Variants in LARP4 observed in about 807,000 individuals in gnomAD.
LARP4 encodes La ribonucleoprotein 4.
Under a neutral mutation model 92.9 loss-of-function variants are expected in LARP4, and 29 were observed. That is an observed-to-expected ratio of 0.31 (90% CI 0.23 to 0.43). The LOEUF (loss-of-function observed/expected upper bound fraction) is 0.43, where lower values mean the gene tolerates loss of function less well. Among genes scored for constraint, LARP4 ranks in the 20% least tolerant of loss-of-function variants. The pLI, the probability that LARP4 is intolerant of heterozygous loss-of-function variation, is 1.00. For missense variants in LARP4, 732 were observed against 860.0 expected, an observed-to-expected ratio of 0.85 and a Z score of 1.86; for synonymous variants, 279 against 284.1, an observed-to-expected ratio of 0.98 and a Z score of 0.18.
chr12:50,444,548 A>G (rs887763620), intron 8 of LARP4, among the ~76,000 whole-genome samples: 2 of 152,210 alleles, frequency 1.3e-5, no homozygotes, highest in African/African-American at 2.4e-5. Context: ...AAGGAATGCT[A>G]TACTCCAATC....
Position 50,435,637 on chromosome 12 carries a change from A to G in LARP4, c.535+13A>G, listed in dbSNP as rs199548789. 1.9e-4 allele frequency: 300 copies of G among 1,545,896 alleles called. 2 individuals are homozygous for G. In the African/African-American group the frequency reaches 3.8e-3, roughly 20 times the overall value. ...GAAGTGTTAAGATGTATGTAAAAATACCTTTTAGCTTTTTTTTTAATTTTT... is the reference window on the plus strand; with the variant it reads ...GAAGTGTTAAGATGTATGTAAAAATGCCTTTTAGCTTTTTTTTTAATTTTT... On this transcript the variant is annotated intron_variant, in intron 5 of 15. Transcript: ENST00000398473.
Position 50,475,628 on chromosome 12 carries a change from T to C in LARP4, c.1939T>C (p.Ser647Pro), listed in dbSNP as rs765205260. The C allele has an allele frequency of 5.0e-6, 8 of 1,614,046 alleles. No individual in the cohort carries two copies. In the East Asian group the frequency reaches 1.6e-4, roughly 31 times the overall value. ...PLRELRSNVV[S>P]PTKNEDNGAP... is the part of the protein sequence containing the mutation. ...ACGGGAACTTCGCTCCAATGTGGTG[T>C]CTCCCACCAAAAATGAAGACAATGG... Residue 647 changes from serine to proline, a missense_variant, in exon 16 of 16, where the codon TCT becomes CCT. Physicochemically the swap from Ser to Pro is moderately conservative, Grantham distance 74. Coordinates refer to ENST00000398473, the MANE Select transcript of LARP4 (RefSeq NM_052879.5).
chr12:50,402,655 A>G (rs1944081854), intron 1 of LARP4: 2 of 363,658 alleles, frequency 5.5e-6, no homozygotes, highest in Admixed American at 3.7e-5. Context: ...CTCTAAAGCG[A>G]TACTTAATAT....
chr12:50,478,220 A>G lies in LARP4; in HGVS notation c.*2356A>G, dbSNP rs1011925092. 5 of 152,232 alleles carry G rather than the reference A, an allele frequency of 3.3e-5. No homozygotes were observed. The highest frequency in any genetic ancestry group is 3.4e-3 in the Middle Eastern group (1 of 294). The allele number at this position is 152,232 out of a possible 1,614,324, so 9.4% of individuals were successfully genotyped here. On this transcript the variant is annotated 3_prime_UTR_variant, in exon 16 of 16. Coordinates refer to ENST00000398473, the MANE Select transcript of LARP4 (RefSeq NM_052879.5). ...AGTAGAAATTTAATTTGTAGATATA[A>G]CCTTTAAAAATTTTCTCATTAAGAC... is the stretch of plus-strand genomic sequence containing the variant.
intron 8 of LARP4, among the ~76,000 whole-genome samples, chr12:50,450,559 CA>C (rs1317565792): frequency 4.6e-5 from 7 of 152,034 alleles, no homozygotes; most frequent in Non-Finnish European, 7.4e-5. Context: ...TCCTTTTTCC[CA>C]TATGAAAATC....
intron 12 of LARP4, among the ~76,000 whole-genome samples, chr12:50,465,064 G>A (rs1221280276): frequency 1.3e-5 from 2 of 151,618 alleles, no homozygotes; most frequent in Non-Finnish European, 2.9e-5. Flanking sequence ...TTTGGAATAA[G>A]AGATTAGGCC....
intron 1 of LARP4, among the ~76,000 whole-genome samples, chr12:50,409,102 A>T (rs896594753): frequency 6.6e-6 from 1 of 152,158 alleles, no homozygotes; most frequent in African/African-American, 2.4e-5. Context: ...AAGAAAAAAA[A>T]TAGGAGGGCA....
In LARP4 at chr12:50,477,593, A is replaced by G. The variant is rs1957623770; in HGVS notation, c.*1729A>G. The G allele has an allele frequency of 6.6e-6, 1 of 152,554 alleles. No homozygotes were observed. 9.5% of individuals were successfully genotyped at this position (152,554 alleles called of 1,614,324 possible). A position where few individuals can be genotyped will look rare whatever the true frequency, so the allele number is the denominator to read the frequency against. ...AGATACATGTTAGTGGTTAACTGTT[A>G]AGAGCTTTGAAAACACTGCACATAT... On this transcript the variant is annotated 3_prime_UTR_variant, in exon 16 of 16. Transcript: ENST00000398473.
In LARP4 at chr12:50,466,882, G is replaced by T. The variant is rs938312395; in HGVS notation, c.1384-77G>T. 7.4e-5 allele frequency: 102 copies of T among 1,372,180 alleles called. No individual in the cohort carries two copies. Among genetic ancestry groups the T allele is most frequent in the Non-Finnish European group, 9.5e-5 (95 of 994,824 alleles). The allele number at this position is 1,372,180 out of a possible 1,614,324, so 85.0% of individuals were successfully genotyped here. A position where few individuals can be genotyped will look rare whatever the true frequency, so the allele number is the denominator to read the frequency against. Reference sequence around the variant, plus strand: ...TTTGTTTGCTTCTTTTTCTTTTCTTGCACCTTTCAGCTTCTGTGACACAGG... The same window carrying T: ...TTTGTTTGCTTCTTTTTCTTTTCTTTCACCTTTCAGCTTCTGTGACACAGG... On this transcript the variant is annotated intron_variant, in intron 12 of 15. Transcript: ENST00000398473.
chr12:50,448,623 C>T (rs954382317), intron 8 of LARP4, among the ~76,000 whole-genome samples: 4 of 152,058 alleles, frequency 2.6e-5, no homozygotes, highest in African/African-American at 9.7e-5. Context: ...CCACTGGGTT[C>T]AAGCAATTTT....
chr12:50,417,879 A>G (rs926121585), intron 1 of LARP4, among the ~76,000 whole-genome samples: 1 of 151,702 alleles, frequency 6.6e-6, no homozygotes, highest in Non-Finnish European at 1.5e-5. Flanking sequence ...TCTTGTTTTG[A>G]GACGGAGTTT....
chr12:50,473,554 G>A lies in LARP4; in HGVS notation c.1667+18G>A, dbSNP rs750572653. 1 of 1,605,540 alleles carries A rather than the reference G, an allele frequency of 6.2e-7. No homozygotes were observed. Among genetic ancestry groups the A allele is most frequent in the Non-Finnish European group, 8.5e-7 (1 of 1,173,838 alleles). On this transcript the variant is annotated intron_variant, in intron 14 of 15. Coordinates refer to ENST00000398473, the MANE Select transcript of LARP4 (RefSeq NM_052879.5). ...GCATTAAGGTACAAGTTATAGTATA[G>A]AAGATCTTCAACATTAAATTACTTT...
At chr12:50,462,508 G>T in intron 11 of LARP4, 74 bp from the exon 12 acceptor site, 1 of 852,032 alleles carries the variant, frequency 1.2e-6, no homozygotes, top group Non-Finnish European at 1.9e-6. Flanking sequence ...GGCTTTGATA[G>T]AATGTATATA....
At chr12:50,420,288 C>T (rs1414363842) in intron 1 of LARP4, among the ~76,000 whole-genome samples, 2 of 152,058 alleles carry the variant, frequency 1.3e-5, no homozygotes, top group African/African-American at 4.8e-5. Context: ...GAAGAACGAT[C>T]GTAAGAAATT....
intron 15 of LARP4, 73 bp downstream of exon 15, chr12:50,474,240 C>G (rs1957294954): frequency 8.5e-7 from 1 of 1,177,320 alleles, no homozygotes; most frequent in South Asian, 1.5e-5. Context: ...TCACGTAACA[C>G]TTTGTTAGAA....
chr12:50,473,523 C>T lies in LARP4; in HGVS notation c.1654C>T (p.Leu552Phe), dbSNP rs764358562. The change falls in exon 14 of 16, where the codon CTT becomes TTT. Residue 552 changes from leucine to phenylalanine, a missense_variant. Around this residue, in one of 7 missense-constraint regions of LARP4, gnomAD observed 97 missense variants for 85.9 expected, o/e 1.13. Coordinates refer to ENST00000398473, the MANE Select transcript of LARP4 (RefSeq NM_052879.5). The stretch of plus-strand genomic sequence containing the variant: ...TACCAGTTCTCCATGTGCTGCTGAG[C>T]TTACTGCATTAAGGTACAAGTTATA... ...MSTSSPCAAE[L>F]TALSTTQQEK... is the part of the protein sequence containing the mutation. The T allele has an allele frequency of 3.7e-6, 6 of 1,613,130 alleles. No homozygotes were observed. The highest frequency in any genetic ancestry group is 2.2e-5 in the East Asian group (1 of 44,852).
chr12:50,474,082 C>T lies in LARP4; in HGVS notation c.1751C>T (p.Pro584Leu), dbSNP rs1449764438. 1.2e-5 allele frequency: 19 copies of T among 1,612,514 alleles called. No individual in the cohort carries two copies. The highest frequency in any genetic ancestry group is 1.6e-5 in the Non-Finnish European group (19 of 1,179,428). ...GLNQTTIPVS[P>L]PSTTKPSRAS... ...AATCAGACAACTATACCAGTTTCTC[C>T]TCCAAGTACTACAAAGCCATCGAGG... Residue 584 changes from proline (P) to leucine (L), a missense_variant, in exon 15 of 16, where the codon CCT becomes CTT. By Grantham distance (98) the Pro-to-Leu change is moderately conservative (BLOSUM62 -3). Coordinates refer to ENST00000398473, the MANE Select transcript of LARP4 (RefSeq NM_052879.5).
chr12:50,476,717 T>A lies in LARP4; in HGVS notation c.*853T>A, dbSNP rs1345811306. 1.3e-5 allele frequency: 2 copies of A among 152,380 alleles called. No homozygotes were observed. Among genetic ancestry groups the A allele is most frequent in the African/African-American group, 2.4e-5 (1 of 41,368 alleles). The allele number at this position is 152,380 out of a possible 1,614,324, so 9.4% of individuals were successfully genotyped here. A position where few individuals can be genotyped will look rare whatever the true frequency, so the allele number is the denominator to read the frequency against. On this transcript the variant is annotated 3_prime_UTR_variant, in exon 16 of 16. Transcript: ENST00000398473. ...AATACCCCCAAAATGAGAAACAAAA[T>A]TTTTTTTCTTACTCCATTTGTTACT...
rs1957779807 is a variant in LARP4, at chr12:50,479,969, A to G, written c.*4105A>G. On this transcript the variant is annotated 3_prime_UTR_variant, in exon 16 of 16. Transcript: ENST00000398473. ...ATCGCCAAGGTGCTATGGGAAATTAACAAAATTAGAAAAAAAATAAAATTA... is the reference window on the plus strand; with the variant it reads ...ATCGCCAAGGTGCTATGGGAAATTAGCAAAATTAGAAAAAAAATAAAATTA... 6.6e-6 allele frequency: 1 copy of G among 152,452 alleles called. No individual in the cohort carries two copies. Among genetic ancestry groups the G allele is most frequent in the African/African-American group, 2.4e-5 (1 of 41,448 alleles). 9.4% of individuals were successfully genotyped at this position (152,452 alleles called of 1,614,324 possible).
Sources: allele counts gnomAD v4.1 joint callset (sites outside exome capture counted in the v4.1 genomes callset), GRCh38; gene constraint gnomAD v4.1.1; regional missense constraint gnomAD v4.1.1; transcripts MANE v1.5; gene names NCBI Gene and HGNC (gene_info 2026-07-23, HGNC 2026-07-21).